Variants in DNAH3 observed in about 807,000 individuals in gnomAD.
The protein encoded by DNAH3 is dynein axonemal heavy chain 3.
Under a neutral mutation model 432.5 loss-of-function variants are expected in DNAH3, and 332 were observed. The observed-to-expected ratio is 0.77, with a 90% CI of 0.70 to 0.84. The LOEUF is 0.84. DNAH3 is among the 40% of genes least tolerant of loss of function. DNAH3 has a pLI of 0.00. For synonymous variants in DNAH3, 1,956 were observed against 1,900.2 expected (o/e 1.03, Z -0.76); for missense variants, 4,861 against 5,114.0 (o/e 0.95, Z 1.51).
At chr16:20,966,670 C>T (rs887537058) in intron 52 of DNAH3, among the ~76,000 whole-genome samples, 4 of 152,156 alleles carry the variant, frequency 2.6e-5, no homozygotes, top group Non-Finnish European at 5.9e-5. Context: ...AATAGTACCC[C>T]ATTATCTTAT....
exon 52 of DNAH3, chr16:20,969,848 C>T (rs1426901830): frequency 6.2e-7 from 1 of 1,614,196 alleles, no homozygotes. Flanking sequence ...GATGCAGATG[C>T]TCTCCATGAC....
chr16:20,940,870 G>A (rs1275456159), intron 59 of DNAH3, among the ~76,000 whole-genome samples: 1 of 152,136 alleles, frequency 6.6e-6, no homozygotes, highest in Non-Finnish European at 1.5e-5. Context: ...AAGGCTGGAG[G>A]CCTGCTTGAG....
intron 24 of DNAH3, among the ~76,000 whole-genome samples, chr16:21,063,542 T>TTTTTA (rs1400228208): frequency 1.3e-5 from 2 of 150,810 alleles, no homozygotes; most frequent in Non-Finnish European, 3.0e-5. Flanking sequence ...TTTATTTTTA[T>TTTTTA]TTTTATTTTA....
intron 41 of DNAH3, among the ~76,000 whole-genome samples, chr16:21,007,732 CTTT>C (rs1296450736): frequency 6.6e-6 from 1 of 151,984 alleles, no homozygotes; most frequent in Non-Finnish European, 1.5e-5. Flanking sequence ...CCTATTTTTT[CTTT>C]TGTCACTTGT....
At chr16:21,106,364 C>A in intron 15 of DNAH3, 126 bp downstream of exon 15, 4 of 799,534 alleles carry the variant, frequency 5.0e-6, no homozygotes, top group Non-Finnish European at 7.0e-6. Flanking sequence ...ATATAACTAT[C>A]CTTTTGCTCA....
At chr16:20,967,281 C>A (rs1254580007) in intron 52 of DNAH3, among the ~76,000 whole-genome samples, 1 of 152,126 alleles carries the variant, frequency 6.6e-6, no homozygotes, top group Non-Finnish European at 1.5e-5. Context: ...GAATAACAGG[C>A]ATAATTTGCT....
intron 51 of DNAH3, among the ~76,000 whole-genome samples, chr16:20,972,408 G>GT (rs1421570909): frequency 7.9e-5 from 12 of 151,888 alleles, no homozygotes; most frequent in African/African-American, 2.2e-4. Context: ...TTTCTTTTTA[G>GT]TTTTTTGCAG....
At chr16:21,149,001 C>A (rs556165095) in intron 1 of DNAH3, among the ~76,000 whole-genome samples, 1 of 152,036 alleles carries the variant, frequency 6.6e-6, no homozygotes, top group African/African-American at 2.4e-5. Flanking sequence ...GAGGCCGAGG[C>A]GGGTGGATCA....
At chr16:20,952,602 A>G (rs2084366993) in intron 55 of DNAH3, 53 bp from the exon 56 acceptor site, 2 of 1,157,626 alleles carry the variant, frequency 1.7e-6, no homozygotes, top group Admixed American at 3.4e-5. Context: ...CTTAATTTCC[A>G]CTCAAAGACC....
At chr16:20,951,475 C>T (rs966748694) in intron 56 of DNAH3, among the ~76,000 whole-genome samples, 9 of 149,490 alleles carry the variant, frequency 6.0e-5, no homozygotes, top group Admixed American at 2.7e-4. Context: ...GACAGGATCT[C>T]GCTCTGTCAC....
Position 21,117,330 on chromosome 16 carries a change from C to T in DNAH3, c.1700-13G>A, listed in dbSNP as rs116474714. Reference sequence around the variant, plus strand: ...TATCCTTTCAGCTCTGGGAACAGGACAGATTCCACCTGAAGAGTAAACACC... The same window carrying T: ...TATCCTTTCAGCTCTGGGAACAGGATAGATTCCACCTGAAGAGTAAACACC... On this transcript the variant is annotated splice_polypyrimidine_tract_variant and intron_variant, in intron 11 of 61. Transcript: ENST00000261383. The T allele has an allele frequency of 3.8e-4, 588 of 1,559,534 alleles. 2 individuals carry two copies. The African/African-American group carries it at 7.3e-3, about 19-fold the overall frequency.
rs532393454 is a variant in DNAH3, at chr16:21,009,010, T to C, written c.6023-5803A>G. Among the ~76,000 whole-genome samples, 6 of 152,358 alleles carry C rather than the reference T, an allele frequency of 3.9e-5. No individual in the cohort carries two copies. In the South Asian group the frequency reaches 1.2e-3, roughly 32 times the overall value. ...TAGAAGTAAATCTGGTGCAACACTT[T>C]TAGAAAGCAATCTGGCACAATGCTT... On this transcript the variant is annotated intron_variant, in intron 41 of 61. Transcript: ENST00000261383.
chr16:21,077,768 T>C (rs573031643), intron 20 of DNAH3, among the ~76,000 whole-genome samples: 1 of 152,302 alleles, frequency 6.6e-6, no homozygotes, highest in African/African-American at 2.4e-5. Flanking sequence ...GCCCTGTCTT[T>C]CATTGCATCC....
intron 19 of DNAH3, among the ~76,000 whole-genome samples, chr16:21,082,827 CAA>C (rs67337540): frequency 5.5e-4 from 74 of 134,026 alleles, no homozygotes; most frequent in Middle Eastern, 3.6e-3. Context: ...GACTCCATCT[CAA>C]AAAAAAAAAA....
In DNAH3 at chr16:21,021,855, A is replaced by G. The variant is rs2088243531; in HGVS notation, c.5776+116T>C. ...GAGGCTGAGGCTGCAGTGAGCCAAG[A>G]TCATGCCACTGCACTCTAGCCTTGG... is the stretch of plus-strand genomic sequence containing the variant. On this transcript the variant is annotated intron_variant, in intron 40 of 61. Coordinates refer to ENST00000261383, the Ensembl canonical transcript of DNAH3. The G allele has an allele frequency of 2.4e-6, 3 of 1,272,924 alleles. No individual in the cohort carries two copies. In the South Asian group the frequency reaches 4.7e-5, roughly 20 times the overall value. The allele number at this position is 1,272,924 out of a possible 1,614,324, so 78.9% of individuals were successfully genotyped here.
At position 21,051,564 on chromosome 16, in the gene DNAH3, T is replaced by A. The variant is rs114224552; in HGVS notation, c.4238+106A>T. 904 of 1,111,010 alleles carry A rather than the reference T, an allele frequency of 8.1e-4. 1 individual carries two copies. The African/African-American group carries it at 0.013, about 16-fold the overall frequency. The allele number at this position is 1,111,010 out of a possible 1,614,324, so 68.8% of individuals were successfully genotyped here. A position where few individuals can be genotyped will look rare whatever the true frequency, so the allele number is the denominator to read the frequency against. ...CTATGGAGAATCTAATAATCTGAAG[T>A]GTGAAGGGTAAAGGTAACCCAAGAC... is the stretch of plus-strand genomic sequence containing the variant. On this transcript the variant is annotated intron_variant, in intron 29 of 61. Transcript: ENST00000261383.
In DNAH3 at chr16:21,069,396, T is replaced by C; in HGVS notation, c.3381+19A>G. Reference sequence around the variant, plus strand: ...TTTGTATTTCTGCTGGTAAGAGTTATTAGGGTATAAAAACTTACCGCTTGG... The same window carrying C: ...TTTGTATTTCTGCTGGTAAGAGTTACTAGGGTATAAAAACTTACCGCTTGG... On this transcript the variant is annotated intron_variant, in intron 23 of 61. Transcript: ENST00000261383. 1 of 1,604,722 alleles carries C rather than the reference T, an allele frequency of 6.2e-7. No individual in the cohort carries two copies. Among genetic ancestry groups the C allele is most frequent in the East Asian group, 2.2e-5 (1 of 44,790 alleles).
chr16:21,054,793 G>A (rs554767565), intron 27 of DNAH3, among the ~76,000 whole-genome samples: 2 of 152,166 alleles, frequency 1.3e-5, no homozygotes, highest in African/African-American at 4.8e-5. Flanking sequence ...CAAAATTATA[G>A]GAGTGAGCAG....
intron 54 of DNAH3, among the ~76,000 whole-genome samples, chr16:20,957,320 A>G (rs1260205711): frequency 6.6e-6 from 1 of 152,206 alleles, no homozygotes; most frequent in Non-Finnish European, 1.5e-5. Context: ...CAATATATGA[A>G]TAAGCATGAT....
Sources: allele counts gnomAD v4.1 joint callset (sites outside exome capture counted in the v4.1 genomes callset), GRCh38; gene constraint gnomAD v4.1.1; transcripts MANE v1.5; gene names NCBI Gene and HGNC (gene_info 2026-07-23, HGNC 2026-07-21).